Variants in PDGFRL observed in about 807,000 individuals in gnomAD.
PDGFRL encodes platelet-derived growth factor receptor-like protein.
A neutral mutation model predicts 37.2 loss-of-function variants in PDGFRL; 46 were observed. The ratio of observed to expected loss-of-function variants is 1.24; its 90% CI spans 0.98 to 1.58. PDGFRL has a LOEUF of 1.58. Among genes scored for constraint, PDGFRL ranks in the 40% most tolerant of loss-of-function variants. The pLI is 0.00. For missense variants in PDGFRL, 692 were observed against 467.6 expected (o/e 1.48, Z -4.43); for synonymous variants, 251 against 184.3 (o/e 1.36, Z -2.93).
At chr8:17,615,627 G>GT (rs1804507699) in intron 2 of PDGFRL, among the ~76,000 whole-genome samples, 1 of 152,142 alleles carries the variant, frequency 6.6e-6, no homozygotes. Context: ...TTTCTAAAGT[G>GT]TTTCGAGTCT....
intron 1 of PDGFRL, among the ~76,000 whole-genome samples, chr8:17,582,379 C>A (rs181015237): frequency 2.0e-5 from 3 of 151,958 alleles, no homozygotes; most frequent in African/African-American, 7.3e-5. Context: ...GTCAGGAGAT[C>A]GAGACCAGCC....
Position 17,589,584 on chromosome 8 carries a change from G to A in PDGFRL, c.172G>A (p.Ala58Thr), listed in dbSNP as rs775371741. Residue 58 changes from alanine to threonine, a missense_variant, in exon 2 of 6, where the codon GCC (alanine) becomes ACC (threonine). Transcript: ENST00000251630. ...TCCTAAAATGAAGGACAGGGACTCA[G>A]CCAATTCAGCACCAAAGACGCAGTC... ...KIPKMKDRDS[A>T]NSAPKTQSIM... 6.2e-7 allele frequency: 1 copy of A among 1,613,958 alleles called. No homozygotes were observed. Among genetic ancestry groups the A allele is most frequent in the East Asian group, 2.2e-5 (1 of 44,876 alleles).
chr8:17,613,123 T>C (rs532716339), intron 2 of PDGFRL, among the ~76,000 whole-genome samples: 4 of 152,326 alleles, frequency 2.6e-5, no homozygotes, highest in African/African-American at 9.6e-5. Context: ...TTTTTTACGA[T>C]CACTGTCATT....
At chr8:17,591,900 G>A (rs1488717631) in intron 2 of PDGFRL, among the ~76,000 whole-genome samples, 1 of 152,090 alleles carries the variant, frequency 6.6e-6, no homozygotes, top group Admixed American at 6.5e-5. Context: ...TAGCAACATC[G>A]CGATACTGTG....
intron 1 of PDGFRL, among the ~76,000 whole-genome samples, chr8:17,585,936 G>A (rs1475823874): frequency 6.6e-6 from 1 of 151,046 alleles, no homozygotes; most frequent in African/African-American, 2.4e-5. Context: ...GGATATAAGG[G>A]TTTTGGGGTT....
intron 1 of PDGFRL, among the ~76,000 whole-genome samples, chr8:17,587,927 G>T (rs1342950056): frequency 1.3e-5 from 2 of 152,074 alleles, no homozygotes; most frequent in African/African-American, 4.8e-5. Flanking sequence ...ACCACACCTG[G>T]CCTACAGTCC....
intron 1 of PDGFRL, among the ~76,000 whole-genome samples, chr8:17,584,859 C>A (rs556561511): frequency 1.3e-5 from 2 of 151,994 alleles, no homozygotes; most frequent in Non-Finnish European, 2.9e-5. Flanking sequence ...GAAAGCAAAT[C>A]TATTAAGAAA....
chr8:17,614,346 C>G (rs1274082496), intron 2 of PDGFRL, among the ~76,000 whole-genome samples: 2 of 152,148 alleles, frequency 1.3e-5, no homozygotes, highest in Non-Finnish European at 2.9e-5. Context: ...TTCCCAGGAT[C>G]TGTACTCTGT....
intron 3 of PDGFRL, among the ~76,000 whole-genome samples, chr8:17,622,651 C>G (rs1804656925): frequency 1.3e-5 from 2 of 152,168 alleles, no homozygotes; most frequent in Admixed American, 1.3e-4. Flanking sequence ...GCCAGGAAAA[C>G]TTAGGCACAC....
intron 2 of PDGFRL, among the ~76,000 whole-genome samples, chr8:17,609,594 C>T (rs2517201): frequency 1.5e-5 from 2 of 134,030 alleles, no homozygotes; most frequent in African/African-American, 2.9e-5. Context: ...GCTGAGATCA[C>T]GCCACTGCAC....
At chr8:17,618,609 G>A (rs573831969) in intron 2 of PDGFRL, among the ~76,000 whole-genome samples, 1 of 152,274 alleles carries the variant, frequency 6.6e-6, no homozygotes, top group Admixed American at 6.5e-5. Context: ...TGGGTTTCAG[G>A]GAAGTCATTT....
chr8:17,626,432 G>T (rs1479663804), intron 3 of PDGFRL, among the ~76,000 whole-genome samples: 1 of 152,196 alleles, frequency 6.6e-6, no homozygotes, highest in African/African-American at 2.4e-5. Context: ...AGAGTCAGGA[G>T]GAAGGATCTC....
At chr8:17,605,783 T>G (rs1447789576) in intron 2 of PDGFRL, among the ~76,000 whole-genome samples, 1 of 152,242 alleles carries the variant, frequency 6.6e-6, no homozygotes, top group Non-Finnish European at 1.5e-5. Context: ...TTTTCTGGTA[T>G]CTGGTCGGAT....
In PDGFRL at chr8:17,642,931, A is replaced by C. The variant is rs1429745973; in HGVS notation, c.*130A>C. 6.5e-6 allele frequency: 4 copies of C among 613,128 alleles called. No homozygotes were observed. The allele number at this position is 613,128 out of a possible 1,614,324, so 38.0% of individuals were successfully genotyped here. A position where few individuals can be genotyped will look rare whatever the true frequency, so the allele number is the denominator to read the frequency against. ...CACACCCCAACCCCAGCGTCTCGTG[A>C]GTCCGACCCAGACATCCAAACTAAA... On this transcript the variant is annotated 3_prime_UTR_variant, in exon 6 of 6. Coordinates refer to ENST00000251630, the MANE Select transcript of PDGFRL (RefSeq NM_001372073.1).
rs1007552575 is a variant in PDGFRL at position 17,589,845 on chromosome 8, A to T, written c.353+80A>T. 40 of 825,594 alleles carry T rather than the reference A, an allele frequency of 4.8e-5. 1 individual carries two copies. The highest frequency in any genetic ancestry group is 2.3e-4 in the Middle Eastern group (1 of 4,358). The allele number at this position is 825,594 out of a possible 1,614,324, so 51.1% of individuals were successfully genotyped here. ...AATTCCTTCTTAACTATTATTACAC[A>T]TTGTTTCTGACATGTTCCATTTTAC... is the stretch of plus-strand genomic sequence containing the variant. On this transcript the variant is annotated intron_variant, in intron 2 of 5. Coordinates refer to ENST00000251630, the MANE Select transcript of PDGFRL (RefSeq NM_001372073.1).
intron 2 of PDGFRL, among the ~76,000 whole-genome samples, chr8:17,602,171 G>A (rs910205172): frequency 3.3e-5 from 5 of 152,178 alleles, no homozygotes; most frequent in Admixed American, 3.3e-4. Context: ...GTGTGAGAGG[G>A]TATCTCATTG....
intron 2 of PDGFRL, among the ~76,000 whole-genome samples, chr8:17,599,376 A>T (rs906431837): frequency 5.9e-5 from 9 of 152,162 alleles, no homozygotes; most frequent in Non-Finnish European, 1.3e-4. Context: ...GCTCCCACAT[A>T]TCGGTGAGAA....
At chr8:17,602,597 G>C (rs985023897) in intron 2 of PDGFRL, among the ~76,000 whole-genome samples, 3 of 152,122 alleles carry the variant, frequency 2.0e-5, no homozygotes, top group Non-Finnish European at 2.9e-5. Context: ...ATAGCTTTGC[G>C]TGGAAAGTGG....
chr8:17,583,154 G>T (rs1288422393), intron 1 of PDGFRL, among the ~76,000 whole-genome samples: 1 of 152,184 alleles, frequency 6.6e-6, no homozygotes, highest in Non-Finnish European at 1.5e-5. Flanking sequence ...AGATTTCAGA[G>T]GATGTATCAG....
Sources: allele counts gnomAD v4.1 joint callset (sites outside exome capture counted in the v4.1 genomes callset), GRCh38; gene constraint gnomAD v4.1.1; transcripts MANE v1.5; gene names NCBI Gene and HGNC (gene_info 2026-07-23, HGNC 2026-07-21).